The following MAP1B variants were observed in gnomAD, a reference collection of about 807,000 sequenced individuals.
MAP1B encodes the protein microtubule-associated protein 1B.
MAP1B carries 12 observed loss-of-function variants against 176.1 expected under a neutral mutation model. The observed-to-expected ratio is 0.07, with a 90% CI of 0.04 to 0.11. The LOEUF is 0.11. Ranked by LOEUF, MAP1B falls within the 10% of genes least tolerant of loss-of-function variation. MAP1B has a pLI of 1.00. For missense variants in MAP1B, 2,523 were observed against 2,990.5 expected, an observed-to-expected ratio of 0.84 and a Z score of 3.65; for synonymous variants, 1,044 against 1,135.0, an observed-to-expected ratio of 0.92 and a Z score of 1.61.
intron 2 of MAP1B, among the ~76,000 whole-genome samples, chr5:72,177,898 A>G (rs374032498): frequency 6.6e-6 from 1 of 151,908 alleles, no homozygotes; most frequent in Admixed American, 6.6e-5. Flanking sequence ...AATAACTCTG[A>G]CTCTATCATT....
intron 2 of MAP1B, among the ~76,000 whole-genome samples, chr5:72,173,954 C>A (rs10474604): frequency 0.57 from 87,384 of 151,976 alleles, 25,350 homozygotes; most frequent in East Asian, 0.8. Context: ...ATGGCAAAAC[C>A]TCATCTCTAC....
Position 72,197,373 on chromosome 5 carries a change from C to T in MAP1B, c.4018C>T (p.Pro1340Ser). The T allele has an allele frequency of 6.2e-7, 1 of 1,614,190 alleles. No homozygotes were observed. The highest frequency in any genetic ancestry group is 8.5e-7 in the Non-Finnish European group (1 of 1,180,032). ...SAGHTPYYQS[P>S]TDEKSSHLPT... is the part of the protein sequence containing the mutation. ...TGGTCACACACCTTACTATCAATCTCCTACTGACGAGAAATCCAGTCATCT... is the reference window on the plus strand; with the variant it reads ...TGGTCACACACCTTACTATCAATCTTCTACTGACGAGAAATCCAGTCATCT... Residue 1340 changes from proline to serine, a missense_variant, in exon 5 of 7, where the codon CCT (proline) becomes TCT (serine). Around this residue, in one of 4 missense-constraint regions of MAP1B, gnomAD observed 1,925 missense variants for 2,126.0 expected, o/e 0.91. Coordinates refer to ENST00000296755, the MANE Select transcript of MAP1B (RefSeq NM_005909.5).
At position 72,194,112 on chromosome 5, in the gene MAP1B, G is replaced by A; in HGVS notation, c.757G>A (p.Gly253Arg). The A allele has an allele frequency of 6.2e-7, 1 of 1,614,198 alleles. No individual in the cohort carries two copies. The highest frequency in any genetic ancestry group is 8.5e-7 in the Non-Finnish European group (1 of 1,180,046). Residue 253 changes from glycine (G) to arginine (R), a missense_variant, in exon 5 of 7, where the codon GGA becomes AGA. This residue lies in a region of MAP1B where 307 missense variants were observed against 438.4 expected (regional missense o/e 0.70). Coordinates refer to ENST00000296755, the MANE Select transcript of MAP1B (RefSeq NM_005909.5). This position sits in a 1 kb window ranked among gnomAD's most constrained non-coding sequence, Gnocchi z 7.2. ...CATCTTGGAACCTCCCACATCGGGT[G>A]GATTTCTGAAGCTCTCCAAGCCCTG... ...FDILEPPTSG[G>R]FLKLSKPCCY...
At chr5:72,187,294 C>A (rs1037944653) in intron 4 of MAP1B, among the ~76,000 whole-genome samples, 1 of 152,188 alleles carries the variant, frequency 6.6e-6, no homozygotes, top group African/African-American at 2.4e-5. Flanking sequence ...AGTAGCTGGA[C>A]TGAAGCTGGA....
intron 2 of MAP1B, among the ~76,000 whole-genome samples, chr5:72,134,632 A>C (rs971846543): frequency 2.6e-5 from 4 of 152,062 alleles, no homozygotes; most frequent in Non-Finnish European, 5.9e-5. Flanking sequence ...TGCTGACTGC[A>C]TGAATAAAAA....
At chr5:72,130,555 G>T (rs368574737) in intron 2 of MAP1B, among the ~76,000 whole-genome samples, 1 of 152,134 alleles carries the variant, frequency 6.6e-6, no homozygotes, top group South Asian at 2.1e-4. Context: ...TTTCTTTGTT[G>T]CAGATTTCCT....
At position 72,196,829 on chromosome 5, in the gene MAP1B, A is replaced by G. The variant is rs887332717; in HGVS notation, c.3474A>G (p.Glu1158=). 1.9e-5 allele frequency: 31 copies of G among 1,614,124 alleles called. No homozygotes were observed. The highest frequency in any genetic ancestry group is 2.5e-5 in the Non-Finnish European group (30 of 1,179,982). Residue 1158 remains glutamate, a synonymous_variant, in exon 5 of 7, where the codon GAA becomes GAG. Coordinates refer to ENST00000296755, the MANE Select transcript of MAP1B (RefSeq NM_005909.5). This position sits in a 1 kb window ranked among gnomAD's most constrained non-coding sequence, Gnocchi z 5.3. ...NNEETESPSQ[E]FVNITKYESS... ...AAGAGACGGAGTCCCCTTCTCAGGA[A>G]TTCGTAAATATCACCAAATATGAAT...
rs780369702 is a variant in MAP1B at position 72,183,799 on chromosome 5, C to T, written c.343C>T (p.Pro115Ser). 1 of 1,613,978 alleles carries T rather than the reference C, an allele frequency of 6.2e-7. No individual in the cohort carries two copies. ...DVLETVVLIN[P>S]SDEAVSTEVR... ...TTTAGAAACAGTGGTCCTGATCAAC[C>T]CTTCTGATGAAGCAGTCAGCACCGA... The change falls in exon 3 of 7, where the codon CCT becomes TCT. Residue 115 changes from proline to serine, a missense_variant. Physicochemically the swap from Pro to Ser is moderately conservative, Grantham distance 74. This residue lies in a region of MAP1B where 307 missense variants were observed against 438.4 expected (regional missense o/e 0.70). Transcript: ENST00000296755.
rs989908401 is a variant in MAP1B at position 72,189,002 on chromosome 5, C to A, written c.510+2248C>A. 3.9e-5 allele frequency among the ~76,000 whole-genome samples: 6 copies of A among 152,308 alleles called. 1 individual carries two copies. In the South Asian group the frequency reaches 1.2e-3, roughly 32 times the overall value. On this transcript the variant is annotated intron_variant, in intron 4 of 6. Coordinates refer to ENST00000296755, the MANE Select transcript of MAP1B (RefSeq NM_005909.5). ...TTGCCTTGGAAAAATGGTTGAGTAA[C>A]TGAATAACAAACGGACCTTGAAGAC...
chr5:72,182,675 C>T (rs931218820), intron 2 of MAP1B, among the ~76,000 whole-genome samples: 1 of 152,206 alleles, frequency 6.6e-6, no homozygotes, highest in African/African-American at 2.4e-5. Context: ...TGGTCATTCT[C>T]TCCTCTTGTA....
chr5:72,196,923 T>C lies in MAP1B; in HGVS notation c.3568T>C (p.Ser1190Pro), dbSNP rs1747187168. 6.2e-7 allele frequency: 1 copy of C among 1,614,144 alleles called. No homozygotes were observed. Among genetic ancestry groups the C allele is most frequent in the Non-Finnish European group, 8.5e-7 (1 of 1,180,022 alleles). Reference sequence around the variant, plus strand: ...ACCGCTCAACGGATTTTCTGAAGGATCAAAAACAGATGCCACTGATGGCAA... The same window carrying C: ...ACCGCTCAACGGATTTTCTGAAGGACCAAAAACAGATGCCACTGATGGCAA... The part of the protein sequence containing the change: ...VTPLNGFSEG[S>P]KTDATDGKDY... Residue 1190 changes from serine to proline, a missense_variant, in exon 5 of 7, where the codon TCA becomes CCA. This residue lies in a region of MAP1B where 1,925 missense variants were observed against 2,126.0 expected (regional missense o/e 0.91). Transcript: ENST00000296755. The surrounding 1 kb of genome is among the most constrained non-coding windows in gnomAD (Gnocchi z 5.3).
chr5:72,196,157 A>G lies in MAP1B; in HGVS notation c.2802A>G (p.Glu934=). The change falls in exon 5 of 7, where the codon GAA becomes GAG. Residue 934 remains glutamate (E), a synonymous_variant. Transcript: ENST00000296755. The surrounding 1 kb of genome is among the most constrained non-coding windows in gnomAD (Gnocchi z 5.3). The part of the protein sequence containing the change: ...EKFEDEGAGF[E]ESSETGDYEE... The stretch of plus-strand genomic sequence containing the variant: ...TTGAAGATGAAGGAGCCGGTTTTGA[A>G]GAATCTTCAGAGACTGGAGACTATG... 1 of 1,613,394 alleles carries G rather than the reference A, an allele frequency of 6.2e-7. No homozygotes were observed. Among genetic ancestry groups the G allele is most frequent in the Non-Finnish European group, 8.5e-7 (1 of 1,179,936 alleles).
Position 72,195,154 on chromosome 5 carries a change from C to A in MAP1B, c.1799C>A (p.Pro600His). The A allele has an allele frequency of 6.2e-7, 1 of 1,613,390 alleles. No individual in the cohort carries two copies. The highest frequency in any genetic ancestry group is 8.5e-7 in the Non-Finnish European group (1 of 1,179,718). Residue 600 changes from proline to histidine, a missense_variant, in exon 5 of 7, where the codon CCT becomes CAT. Physicochemically the swap from Pro to His is moderately conservative, Grantham distance 77 (BLOSUM62 -2). Coordinates refer to ENST00000296755, the MANE Select transcript of MAP1B (RefSeq NM_005909.5). ...KDKPIKTETK[P>H]SVTEKEVPSK... ...AAGCCAATAAAAACAGAGACCAAAC[C>A]TTCAGTGACTGAAAAGGAGGTTCCC... is the stretch of plus-strand genomic sequence containing the variant.
chr5:72,167,905 A>G (rs1257573080), intron 2 of MAP1B, among the ~76,000 whole-genome samples: 1 of 152,252 alleles, frequency 6.6e-6, no homozygotes, highest in Non-Finnish European at 1.5e-5. Context: ...AACGATGTAG[A>G]TAACACATTA....
chr5:72,191,268 G>A (rs754402399), intron 4 of MAP1B, among the ~76,000 whole-genome samples: 1 of 152,234 alleles, frequency 6.6e-6, no homozygotes, highest in Non-Finnish European at 1.5e-5. Context: ...GGTTATAATA[G>A]TTACCATTTA....
chr5:72,168,060 G>C (rs188697372), intron 2 of MAP1B, among the ~76,000 whole-genome samples: 17 of 152,346 alleles, frequency 1.1e-4, no homozygotes, highest in Admixed American at 1.0e-3. Flanking sequence ...AGCTCCTGTC[G>C]CTTGGCCAAG....
chr5:72,113,925 C>T (rs1191481572), intron 1 of MAP1B, among the ~76,000 whole-genome samples: 2 of 152,124 alleles, frequency 1.3e-5, no homozygotes, highest in Non-Finnish European at 2.9e-5. Context: ...AAAAGATCTG[C>T]GAAATCTCAA....
At chr5:72,123,641 C>T (rs1424341673) in intron 2 of MAP1B, among the ~76,000 whole-genome samples, 3 of 152,022 alleles carry the variant, frequency 2.0e-5, no homozygotes, top group African/African-American at 4.8e-5. Context: ...CCCGCCACGA[C>T]GCCCGGCTAA....
intron 2 of MAP1B, among the ~76,000 whole-genome samples, chr5:72,167,735 A>T (rs1268667741): frequency 6.6e-6 from 1 of 152,248 alleles, no homozygotes; most frequent in Non-Finnish European, 1.5e-5. Flanking sequence ...CATTGGAGTC[A>T]AAAGAAGTAT....
Sources: allele counts gnomAD v4.1 joint callset (sites outside exome capture counted in the v4.1 genomes callset), GRCh38; gene constraint gnomAD v4.1.1; regional missense constraint gnomAD v4.1.1; non-coding constraint Gnocchi (gnomAD v3.1); transcripts MANE v1.5; gene names NCBI Gene and HGNC (gene_info 2026-07-23, HGNC 2026-07-21).